The following IGSF9B variants were observed in gnomAD, a reference collection of about 807,000 sequenced individuals.
The protein encoded by IGSF9B is immunoglobulin superfamily member 9B.
In IGSF9B, 48 loss-of-function variants were observed where a neutral mutation model predicts 143.7. That is an observed-to-expected ratio of 0.33 (90% CI 0.26 to 0.42). The LOEUF is 0.42. Among genes scored for constraint, IGSF9B ranks in the 20% least tolerant of loss-of-function variants. The pLI is 1.00. For synonymous variants in IGSF9B, 903 were observed against 833.1 expected (o/e 1.08, Z -1.44); for missense variants, 1,706 against 1,980.0 (o/e 0.86, Z 2.63).
Position 133,913,200 on chromosome 11 carries a change from AC to A in IGSF9B, c.3984-1194del, listed in dbSNP as rs1248922377. Among the ~76,000 whole-genome samples, 1 of 151,602 alleles carries A rather than the reference AC, an allele frequency of 6.6e-6. No homozygotes were observed. The highest frequency in any genetic ancestry group is 2.4e-5 in the African/African-American group (1 of 41,220). On this transcript the variant is annotated intron_variant, in intron 18 of 19. Transcript: ENST00000533871. This position sits in a 1 kb window ranked among gnomAD's most constrained non-coding sequence, Gnocchi z 4.6. ...GCGTGCCTCGCTCTTCTTCTCCTGG[AC>A]CCCCCAACTCCCTCCCCTATCTCCA...
Position 133,925,769 on chromosome 11 carries a change from T to A in IGSF9B, c.2004A>T (p.Glu668Asp). The A allele has an allele frequency of 6.2e-7, 1 of 1,613,688 alleles. No homozygotes were observed. The highest frequency in any genetic ancestry group is 8.5e-7 in the Non-Finnish European group (1 of 1,179,806). ...ACAGATCCTTGGCAAAGAACTCTCCTTCGGTGCCGGGGATGCCATCGTCGA... is the reference window on the plus strand; with the variant it reads ...ACAGATCCTTGGCAAAGAACTCTCCATCGGTGCCGGGGATGCCATCGTCGA... ...ELLDDGIPGT[E>D]GEFFAKDLSQ... is the part of the protein sequence containing the mutation. The change falls in exon 14 of 20, where the codon GAA becomes GAT. Residue 668 changes from glutamate (E) to aspartate (D), a missense_variant. Coordinates refer to ENST00000533871, the MANE Select transcript of IGSF9B (RefSeq NM_001277285.4).
At chr11:133,911,837 C>A (rs536463151) in intron 19 of IGSF9B, 49 bp downstream of exon 19, 2 of 1,458,566 alleles carry the variant, frequency 1.4e-6, no homozygotes, top group Non-Finnish European at 9.0e-7. Flanking sequence ...CTCCTGACAA[C>A]GGCAAGGCAA....
chr11:133,937,678 C>A (rs1939850531), intron 4 of IGSF9B, 132 bp downstream of exon 4: 2 of 1,221,004 alleles, frequency 1.6e-6, no homozygotes, highest in South Asian at 3.1e-5. Context: ...ACGCCTGCAG[C>A]TGAGCCAGGC....
chr11:133,945,643 AG>A lies in IGSF9B; in HGVS notation c.262+417del, dbSNP rs1244226928. Among the ~76,000 whole-genome samples the A allele has an allele frequency of 1.3e-5, 2 of 152,030 alleles. No individual in the cohort carries two copies. The highest frequency in any genetic ancestry group is 3.9e-4 in the East Asian group (2 of 5,152). On this transcript the variant is annotated intron_variant, in intron 2 of 19. Transcript: ENST00000533871. The surrounding 1 kb of genome is among the most constrained non-coding windows in gnomAD (Gnocchi z 4.6). The stretch of plus-strand genomic sequence containing the variant: ...ACACCAGGCACCTGCAAACGGTGGG[AG>A]GCCAAAGATTCATCCATACACTCAG...
rs1393750452 is a variant in IGSF9B at position 133,920,273 on chromosome 11, T to C, written c.3452A>G (p.Glu1151Gly). 7 of 1,520,550 alleles carry C rather than the reference T, an allele frequency of 4.6e-6. No individual in the cohort carries two copies. The South Asian group carries it at 7.8e-5, about 17-fold the overall frequency. The allele number at this position is 1,520,550 out of a possible 1,614,324, so 94.2% of individuals were successfully genotyped here. A position where few individuals can be genotyped will look rare whatever the true frequency, so the allele number is the denominator to read the frequency against. ...GMGIPVLPYP[E>G]PAEPGAHGGP... ...GCCGTGCGCCCCCGGCTCAGCCGGC[T>C]CGGGGTAAGGCAGCACAGGTATGCC... is the stretch of plus-strand genomic sequence containing the variant. The change falls in exon 18 of 20, where the codon GAG becomes GGG. Residue 1151 changes from glutamate (E) to glycine (G), a missense_variant. This residue lies in a region of IGSF9B where 880 missense variants were observed against 762.9 expected (regional missense o/e 1.15). Transcript: ENST00000533871.
chr11:133,937,876 C>A lies in IGSF9B; in HGVS notation c.495G>T (p.Gly165=). ...GCCAGGTGACAATGGGCTTGGGGTTCCCAAAAGCTGTGCAGGTCATGGTGA... is the reference window on the plus strand; with the variant it reads ...GCCAGGTGACAATGGGCTTGGGGTTACCAAAAGCTGTGCAGGTCATGGTGA... ...GSITMTCTAF[G]NPKPIVTWLK... is the part of the protein sequence containing the mutation. The change falls in exon 4 of 20, where the codon GGG becomes GGT. Residue 165 remains glycine, a synonymous_variant. Coordinates refer to ENST00000533871, the MANE Select transcript of IGSF9B (RefSeq NM_001277285.4). 1 of 1,612,068 alleles carries A rather than the reference C, an allele frequency of 6.2e-7. No homozygotes were observed.
At chr11:133,915,797 G>A (rs935634347) in intron 18 of IGSF9B, among the ~76,000 whole-genome samples, 1 of 152,328 alleles carries the variant, frequency 6.6e-6, no homozygotes, top group Admixed American at 6.5e-5. Flanking sequence ...GTGGCTTGAT[G>A]GGCATTTTCC....
rs190408781 is a variant in IGSF9B, at chr11:133,928,636, G to A, written c.1631+1035C>T. 1.5e-3 allele frequency among the ~76,000 whole-genome samples: 236 copies of A among 152,330 alleles called. 2 individuals carry two copies. Among genetic ancestry groups the A allele is most frequent in the African/African-American group, 5.4e-3 (225 of 41,574 alleles). On this transcript the variant is annotated intron_variant, in intron 12 of 19. Coordinates refer to ENST00000533871, the MANE Select transcript of IGSF9B (RefSeq NM_001277285.4). This position sits in a 1 kb window ranked among gnomAD's most constrained non-coding sequence, Gnocchi z 4.7. The stretch of plus-strand genomic sequence containing the variant: ...GGGCTCGCCCTCCCAGCTCAAGGTT[G>A]TCACCCCCGGGGCAGGGCAGGTGGC...
In IGSF9B at chr11:133,898,261, T is replaced by C. The variant is rs749900923; in HGVS notation, c.*10808A>G. 6.6e-6 allele frequency: 1 copy of C among 151,964 alleles called. No individual in the cohort carries two copies. The highest frequency in any genetic ancestry group is 1.5e-5 in the Non-Finnish European group (1 of 68,046). The allele number at this position is 151,964 out of a possible 1,614,324, so 9.4% of individuals were successfully genotyped here. On this transcript the variant is annotated 3_prime_UTR_variant, in exon 20 of 20. Transcript: ENST00000533871. ...TCTCATGACGAAACTGACAGTCATA[T>C]CCAGAAAAGAAGAACTACAGCAAGA...
In IGSF9B at chr11:133,953,201, T is replaced by C. The variant is rs79758127; in HGVS notation, c.64+3490A>G. Among the ~76,000 whole-genome samples the C allele has an allele frequency of 0.018, 2,673 of 152,194 alleles. 87 individuals carry two copies. Among genetic ancestry groups the C allele is most frequent in the African/African-American group, 0.062 (2,556 of 41,508 alleles). On this transcript the variant is annotated intron_variant, in intron 1 of 19. Transcript: ENST00000533871. This position sits in a 1 kb window ranked among gnomAD's most constrained non-coding sequence, Gnocchi z 4.2. ...AGCCTCTGCTCCTCTGTAACCAGATTCCAGCCTTCTGTCTCAGAGCCATAA... is the reference window on the plus strand; with the variant it reads ...AGCCTCTGCTCCTCTGTAACCAGATCCCAGCCTTCTGTCTCAGAGCCATAA...
chr11:133,906,105 C>T lies in IGSF9B; in HGVS notation c.*2964G>A, dbSNP rs925551594. ...ACCGTAAAAGGGGAAGTTTGGAAGG[C>T]GTGATCTCCTACAGAGTGAGTGCCG... is the stretch of plus-strand genomic sequence containing the variant. On this transcript the variant is annotated 3_prime_UTR_variant, in exon 20 of 20. Coordinates refer to ENST00000533871, the MANE Select transcript of IGSF9B (RefSeq NM_001277285.4). Among the ~76,000 whole-genome samples, 2 of 152,206 alleles carry T rather than the reference C, an allele frequency of 1.3e-5. No individual in the cohort carries two copies. Among genetic ancestry groups the T allele is most frequent in the South Asian group, 2.1e-4 (1 of 4,830 alleles).
intron 7 of IGSF9B, among the ~76,000 whole-genome samples, chr11:133,932,425 A>C (rs1048621961): frequency 2.7e-5 from 4 of 149,904 alleles, no homozygotes; most frequent in African/African-American, 9.8e-5. Flanking sequence ...GCAGACAGAC[A>C]GACAGATACA....
Position 133,936,057 on chromosome 11 carries a change from G to A in IGSF9B, c.817C>T (p.Gln273Ter). The change falls in exon 6 of 20, where the codon CAG (glutamine) becomes TAG (stop). Residue 273 changes from glutamine to a stop codon, truncating the protein, a stop_gained. Transcript: ENST00000533871. LOFTEE classifies it high-confidence loss of function. ...WYWQDENVYF[Q>*]NDLKLRVRIL... Reference sequence around the variant, plus strand: ...AAGTCAGAGCAGGGTGCTCACTTCTGAAAGTAGACGTTCTCGTCCTGCCAG... The same window carrying A: ...AAGTCAGAGCAGGGTGCTCACTTCTAAAAGTAGACGTTCTCGTCCTGCCAG... The A allele has an allele frequency of 6.2e-7, 1 of 1,613,514 alleles. No individual in the cohort carries two copies.
Position 133,946,154 on chromosome 11 carries a change from G to A in IGSF9B, c.169C>T (p.Pro57Ser). Residue 57 changes from proline (P) to serine (S), a missense_variant, in exon 2 of 20, where the codon CCC (proline) becomes TCC (serine). This residue lies in a region of IGSF9B where 171 missense variants were observed against 213.9 expected (regional missense o/e 0.80). Coordinates refer to ENST00000533871, the MANE Select transcript of IGSF9B (RefSeq NM_001277285.4). ...VIHPVTGQPP[P>S]YVVEWFKFGV... is the part of the protein sequence containing the mutation. ...AACTTGAACCACTCTACGACATAGG[G>A]TGGGGGCTGTCCCGTCACTGGGTGG... 1.9e-6 allele frequency: 3 copies of A among 1,613,212 alleles called. No individual in the cohort carries two copies. Among genetic ancestry groups the A allele is most frequent in the South Asian group, 1.1e-5 (1 of 90,824 alleles).
chr11:133,936,040 G>A lies in IGSF9B; in HGVS notation c.821+13C>T. ...GTGGCAACCTCATTGAAAAGTCAGA[G>A]CAGGGTGCTCACTTCTGAAAGTAGA... On this transcript the variant is annotated intron_variant, in intron 6 of 19. Transcript: ENST00000533871. 1 of 1,612,808 alleles carries A rather than the reference G, an allele frequency of 6.2e-7. No individual in the cohort carries two copies. Among genetic ancestry groups the A allele is most frequent in the Non-Finnish European group, 8.5e-7 (1 of 1,179,418 alleles).
intron 1 of IGSF9B, among the ~76,000 whole-genome samples, chr11:133,954,480 G>A (rs1940216098): frequency 6.6e-6 from 1 of 152,152 alleles, no homozygotes; most frequent in Non-Finnish European, 1.5e-5. Context: ...ATGGCCCAAG[G>A]GAAAGAAATT....
intron 12 of IGSF9B, among the ~76,000 whole-genome samples, chr11:133,929,379 A>G (rs1055162603): frequency 6.6e-6 from 1 of 152,216 alleles, no homozygotes; most frequent in Non-Finnish European, 1.5e-5. Flanking sequence ...AGAGGAATCC[A>G]GAGGATGAAG....
chr11:133,920,255 G>GC lies in IGSF9B; in HGVS notation c.3469dup (p.Ala1157GlyfsTer16). 1.3e-6 allele frequency: 2 copies of GC among 1,517,330 alleles called. No individual in the cohort carries two copies. Among genetic ancestry groups the GC allele is most frequent in the South Asian group, 1.3e-5 (1 of 76,032 alleles). The allele number at this position is 1,517,330 out of a possible 1,614,324, so 94.0% of individuals were successfully genotyped here. A position where few individuals can be genotyped will look rare whatever the true frequency, so the allele number is the denominator to read the frequency against. On this transcript the variant is annotated frameshift_variant, in exon 18 of 20. Coordinates refer to ENST00000533871, the MANE Select transcript of IGSF9B (RefSeq NM_001277285.4). LOFTEE classifies it high-confidence loss of function. ...GCCAAATGTGCTGGGGCCGCCGTGC[G>GC]CCCCCGGCTCAGCCGGCTCGGGGTA... is the stretch of plus-strand genomic sequence containing the variant.
rs1203073095 is a variant in IGSF9B, at chr11:133,935,508, C to T, written c.967+109G>A. On this transcript the variant is annotated intron_variant, in intron 7 of 19. Coordinates refer to ENST00000533871, the MANE Select transcript of IGSF9B (RefSeq NM_001277285.4). ...CTTCTCTTATTCGCTCCTCCACCTACATGCCCCCAAATGATGCTTGGTCTT... is the reference window on the plus strand; with the variant it reads ...CTTCTCTTATTCGCTCCTCCACCTATATGCCCCCAAATGATGCTTGGTCTT... 9 of 1,256,758 alleles carry T rather than the reference C, an allele frequency of 7.2e-6. No homozygotes were observed. The African/African-American group carries it at 9.0e-5, about 13-fold the overall frequency. The allele number at this position is 1,256,758 out of a possible 1,614,324, so 77.9% of individuals were successfully genotyped here.
Sources: allele counts gnomAD v4.1 joint callset (sites outside exome capture counted in the v4.1 genomes callset), GRCh38; gene constraint gnomAD v4.1.1; regional missense constraint gnomAD v4.1.1; non-coding constraint Gnocchi (gnomAD v3.1); transcripts MANE v1.5; gene names NCBI Gene and HGNC (gene_info 2026-07-23, HGNC 2026-07-21).